The following KIF18A variants were observed in gnomAD, a reference collection of about 807,000 sequenced individuals.
KIF18A encodes kinesin family member 18A.
Under a neutral mutation model 103.3 loss-of-function variants are expected in KIF18A, and 67 were observed. That is an observed-to-expected ratio of 0.65 (90% CI 0.53 to 0.79). The LOEUF (loss-of-function observed/expected upper bound fraction) is 0.79. Ranked by LOEUF, KIF18A falls within the 30% of genes least tolerant of loss-of-function variation. The pLI is 0.00. For missense variants in KIF18A, 1,032 were observed against 1,062.5 expected, an observed-to-expected ratio of 0.97 and a Z score of 0.40; for synonymous variants, 367 against 355.5, an observed-to-expected ratio of 1.03 and a Z score of -0.36.
intron 15 of KIF18A, among the ~76,000 whole-genome samples, chr11:28,035,017 A>T (rs542206087): frequency 1.3e-5 from 2 of 151,712 alleles, no homozygotes; most frequent in South Asian, 4.1e-4. Context: ...CATTAAAATA[A>T]CATAATTCTA....
chr11:28,021,313 T>G (rs779733376), intron 16 of KIF18A, 31 bp from the exon 17 acceptor site: 1 of 1,342,044 alleles, frequency 7.5e-7, no homozygotes, highest in African/African-American at 1.5e-5. Flanking sequence ...TGCATAAATA[T>G]GGCATAAATA....
Position 28,097,762 on chromosome 11 carries a change from T to G in KIF18A, c.186A>C (p.Gln62His), listed in dbSNP as rs144868444. 8.7e-3 allele frequency: 14,063 copies of G among 1,612,322 alleles called. 83 individuals carry two copies. Among genetic ancestry groups the G allele is most frequent in the Non-Finnish European group, 0.01 (12,371 of 1,178,760 alleles). ...CCTTATTTTGTTTCTTTATAACATT[T>G]TGATTTGTAGTTTTCTTTCCATGGA... ...SFFHGKKTTN[Q>H]NVIKKQNKDL... Residue 62 changes from glutamine (Q) to histidine (H), a missense_variant, in exon 2 of 17, where the codon CAA (glutamine) becomes CAC (histidine). Physicochemically the swap from Gln to His is conservative, Grantham distance 24 (BLOSUM62 0). Transcript: ENST00000263181.
At chr11:28,044,094 T>A (rs574940637) in intron 13 of KIF18A, among the ~76,000 whole-genome samples, 16 of 151,998 alleles carry the variant, frequency 1.1e-4, no homozygotes, top group Admixed American at 3.9e-4. Flanking sequence ...TTCCCAGATC[T>A]CCCTTACCCC....
At chr11:28,088,472 T>C (rs1469542653) in intron 6 of KIF18A, 52 bp downstream of exon 6, 3 of 1,396,118 alleles carry the variant, frequency 2.1e-6, no homozygotes, top group African/African-American at 1.4e-5. Flanking sequence ...AGTATCTTTC[T>C]TATCTATTTC....
intron 6 of KIF18A, among the ~76,000 whole-genome samples, chr11:28,088,183 T>C (rs570418451): frequency 2.8e-4 from 42 of 152,258 alleles, no homozygotes; most frequent in Non-Finnish European, 5.0e-4. Context: ...TTAGTTTGTC[T>C]TCATGCCAAT....
chr11:28,085,184 C>T (rs1042919755), intron 6 of KIF18A, among the ~76,000 whole-genome samples: 1 of 152,120 alleles, frequency 6.6e-6, no homozygotes, highest in Non-Finnish European at 1.5e-5. Context: ...CCGGCACAAA[C>T]GCCGCTTGAG....
At chr11:28,026,379 C>T (rs946238065) in intron 15 of KIF18A, among the ~76,000 whole-genome samples, 9 of 151,634 alleles carry the variant, frequency 5.9e-5, no homozygotes, top group Admixed American at 2.6e-4. Context: ...CAGTTTATTA[C>T]TCTGAAGCGC....
intron 11 of KIF18A, among the ~76,000 whole-genome samples, chr11:28,068,659 A>G (rs1271802971): frequency 2.0e-5 from 3 of 152,068 alleles, no homozygotes; most frequent in Non-Finnish European, 4.4e-5. Context: ...ACTTGAGACT[A>G]GATATGAAAC....
At position 28,054,142 on chromosome 11, in the gene KIF18A, A is replaced by T. The variant is rs568416623; in HGVS notation, c.1948+4784T>A. ...TTACTAAAACATTATTGGCAATAAT[A>T]GTGAAAATTTATTAAACAACCCAAA... On this transcript the variant is annotated intron_variant, in intron 13 of 16. Coordinates refer to ENST00000263181, the MANE Select transcript of KIF18A (RefSeq NM_031217.4). Among the ~76,000 whole-genome samples, 18 of 152,290 alleles carry T rather than the reference A, an allele frequency of 1.2e-4. No individual in the cohort carries two copies. The South Asian group carries it at 3.5e-3, about 30-fold the overall frequency.
chr11:28,091,776 T>C (rs562141990), intron 3 of KIF18A, among the ~76,000 whole-genome samples: 2 of 152,352 alleles, frequency 1.3e-5, no homozygotes, highest in South Asian at 4.1e-4. Flanking sequence ...CCTTGATGAC[T>C]ATGGTGAAAC....
chr11:28,034,657 G>A (rs1850458508), intron 15 of KIF18A, among the ~76,000 whole-genome samples: 2 of 151,746 alleles, frequency 1.3e-5, no homozygotes, highest in Non-Finnish European at 1.5e-5. Context: ...GACAAAACCT[G>A]TACAGAATAA....
chr11:28,099,348 G>T (rs569032166), intron 1 of KIF18A, among the ~76,000 whole-genome samples: 1 of 152,158 alleles, frequency 6.6e-6, no homozygotes, highest in East Asian at 1.9e-4. Context: ...GGTGGTAAAA[G>T]GGGAAATGTT....
chr11:28,077,167 A>C lies in KIF18A; in HGVS notation c.1265T>G (p.Phe422Cys). 6.4e-7 allele frequency: 1 copy of C among 1,559,404 alleles called. No individual in the cohort carries two copies. The highest frequency in any genetic ancestry group is 8.6e-7 in the Non-Finnish European group (1 of 1,161,894). The change falls in exon 10 of 17, where the codon TTT (phenylalanine) becomes TGT (cysteine). Residue 422 changes from phenylalanine (F) to cysteine (C), a missense_variant and splice_region_variant. By Grantham distance (205) the Phe-to-Cys change is radical. Transcript: ENST00000263181. ...SNPQEKEIER[F>C]QEILNCLFQN... ...GAACAAGCAGTTCAGGATTTCTTGA[A>C]ACCTACCAAAATTAAAACACATTAC...
intron 13 of KIF18A, among the ~76,000 whole-genome samples, chr11:28,047,284 C>G (rs1850648820): frequency 6.6e-6 from 1 of 151,842 alleles, no homozygotes; most frequent in Admixed American, 6.6e-5. Flanking sequence ...TCCATCGCTA[C>G]AAGAAAAAAG....
At chr11:28,106,895 T>C (rs980017718) in intron 1 of KIF18A, among the ~76,000 whole-genome samples, 5 of 152,092 alleles carry the variant, frequency 3.3e-5, no homozygotes, top group Non-Finnish European at 5.9e-5. Flanking sequence ...TGCTTGAACC[T>C]GGGAGGTGGA....
At chr11:28,088,792 T>C in intron 5 of KIF18A, 71 bp from the exon 6 acceptor site, 1 of 1,137,818 alleles carries the variant, frequency 8.8e-7, no homozygotes. Flanking sequence ...ATATATACTT[T>C]AATAGAGCAC....
At chr11:28,046,097 G>C (rs975466190) in intron 13 of KIF18A, among the ~76,000 whole-genome samples, 7 of 151,266 alleles carry the variant, frequency 4.6e-5, no homozygotes, top group African/African-American at 1.7e-4. Flanking sequence ...CTGTTGGTGG[G>C]ACTGTCAACT....
intron 13 of KIF18A, among the ~76,000 whole-genome samples, chr11:28,045,368 G>A (rs986529731): frequency 6.0e-5 from 9 of 150,976 alleles, no homozygotes; most frequent in Non-Finnish European, 8.8e-5. Context: ...GCTGAGGACT[G>A]TGAAACGTTT....
chr11:28,055,505 G>A (rs990073068), intron 13 of KIF18A, among the ~76,000 whole-genome samples: 5 of 152,154 alleles, frequency 3.3e-5, no homozygotes, highest in Non-Finnish European at 5.9e-5. Flanking sequence ...AGCTTTGGGG[G>A]AATAGGGTGC....
Sources: gnomAD v4.1 joint callset for allele counts (sites outside exome capture counted in the v4.1 genomes callset) on GRCh38, gnomAD v4.1.1 for gene constraint, MANE v1.5 for transcripts, NCBI Gene and HGNC (gene_info 2026-07-23, HGNC 2026-07-21) for gene names.